PKIG: variants seen among roughly 807,000 people sequenced by gnomAD.
The protein encoded by PKIG is cAMP-dependent protein kinase inhibitor gamma.
Under a neutral mutation model 6.8 loss-of-function variants are expected in PKIG, and 1 was observed. That is an observed-to-expected ratio of 0.15 (90% CI 0.05 to 0.69). PKIG has a LOEUF of 0.69. Ranked by LOEUF, PKIG falls within the 30% of genes least tolerant of loss-of-function variation. The pLI is 0.82. For synonymous variants in PKIG, 39 were observed against 43.0 expected (o/e 0.91, Z 0.36); for missense variants, 77 against 104.0 (o/e 0.74, Z 1.13).
At chr20:44,538,646 G>A (rs1259142378) in intron 1 of PKIG, among the ~76,000 whole-genome samples, 1 of 152,030 alleles carries the variant, frequency 6.6e-6, no homozygotes. Context: ...ACATCTAAGA[G>A]AGAAGGATTT....
chr20:44,536,886 A>C (rs552079233), intron 1 of PKIG, among the ~76,000 whole-genome samples: 1 of 152,280 alleles, frequency 6.6e-6, no homozygotes, highest in East Asian at 1.9e-4. Context: ...AGCACCTGGA[A>C]TATTTTAAAC....
intron 2 of PKIG, among the ~76,000 whole-genome samples, chr20:44,599,962 A>G (rs982974615): frequency 8.5e-5 from 13 of 152,094 alleles, no homozygotes; most frequent in Admixed American, 4.6e-4. Flanking sequence ...CTGACATGCA[A>G]TAGTTGGGGG....
At chr20:44,548,892 A>G (rs2064641820) in intron 1 of PKIG, among the ~76,000 whole-genome samples, 2 of 144,468 alleles carry the variant, frequency 1.4e-5, no homozygotes, top group African/African-American at 5.5e-5. Context: ...ACACACACAC[A>G]CACACACACA....
chr20:44,557,520 C>CAA (rs3091847), intron 1 of PKIG, among the ~76,000 whole-genome samples: 7,362 of 63,386 alleles, frequency 0.12, 580 homozygotes, highest in African/African-American at 0.23. Context: ...TGACAGGTGA[C>CAA]AAAAAAAAAA....
At chr20:44,612,273 C>T (rs2065226671) in intron 2 of PKIG, among the ~76,000 whole-genome samples, 1 of 152,104 alleles carries the variant, frequency 6.6e-6, no homozygotes. Flanking sequence ...TCCTGGTGGA[C>T]ATTTGGGTGG....
chr20:44,614,312 G>A lies in PKIG; in HGVS notation c.-23-222G>A. 2.2e-6 allele frequency: 1 copy of A among 462,144 alleles called. No homozygotes were observed. 28.6% of individuals were successfully genotyped at this position (462,144 alleles called of 1,614,324 possible). A position where few individuals can be genotyped will look rare whatever the true frequency, so the allele number is the denominator to read the frequency against. Reference sequence around the variant, plus strand: ...TGTCAATAATTTTATTTAAAGAAAAGTCTGAGCCCATGTTCTTTAAAATGT... The same window carrying A: ...TGTCAATAATTTTATTTAAAGAAAAATCTGAGCCCATGTTCTTTAAAATGT... On this transcript the variant is annotated intron_variant, in intron 2 of 3. Coordinates refer to ENST00000372886, the MANE Select transcript of PKIG (RefSeq NM_001281445.2). This position sits in a 1 kb window ranked among gnomAD's most constrained non-coding sequence, Gnocchi z 4.6.
chr20:44,536,531 G>A (rs561236293), intron 1 of PKIG, among the ~76,000 whole-genome samples: 1 of 152,300 alleles, frequency 6.6e-6, no homozygotes, highest in East Asian at 1.9e-4. Context: ...GTAAGGGAGA[G>A]AGGAGTGGAA....
At chr20:44,589,958 A>G (rs2065021485) in intron 2 of PKIG, 92 bp downstream of exon 2, 1 of 152,356 alleles carries the variant, frequency 6.6e-6, no homozygotes, top group East Asian at 1.9e-4. Context: ...GAAAATACGT[A>G]AGTTCCAAAC....
intron 3 of PKIG, among the ~76,000 whole-genome samples, chr20:44,615,946 A>G (rs1282796865): frequency 6.6e-6 from 1 of 151,650 alleles, no homozygotes; most frequent in African/African-American, 2.4e-5. Context: ...ACGGAACCCC[A>G]CCCCAAAAGC....
Position 44,533,418 on chromosome 20 carries a change from C to T in PKIG, c.-241+1440C>T, listed in dbSNP as rs1339570336. ...AGCAGGTCCCTGCCCTCAAGGAGAT[C>T]ACAGATTGGTGGAGAAAATATTCAT... On this transcript the variant is annotated intron_variant, in intron 1 of 4. Coordinates refer to the PKIG transcript ENST00000372887. Among the ~76,000 whole-genome samples, 5 of 152,176 alleles carry T rather than the reference C, an allele frequency of 3.3e-5. No homozygotes were observed. In the East Asian group the frequency reaches 9.6e-4, roughly 29 times the overall value.
intron 1 of PKIG, among the ~76,000 whole-genome samples, chr20:44,573,001 T>G (rs1045552246): frequency 6.6e-6 from 1 of 152,222 alleles, no homozygotes; most frequent in African/African-American, 2.4e-5. Flanking sequence ...GCCCCATGGC[T>G]GTTGACTGAA....
chr20:44,612,177 C>G (rs1358862205), intron 2 of PKIG, among the ~76,000 whole-genome samples: 1 of 152,152 alleles, frequency 6.6e-6, no homozygotes, highest in Non-Finnish European at 1.5e-5. Flanking sequence ...TTAATTTTCT[C>G]AGGAACCCTC....
intron 2 of PKIG, among the ~76,000 whole-genome samples, chr20:44,605,281 G>A (rs978247948): frequency 3.3e-5 from 5 of 151,810 alleles, no homozygotes; most frequent in African/African-American, 9.7e-5. Flanking sequence ...GGTAGCAGGC[G>A]CCTGAGTCCC....
At chr20:44,603,411 G>T (rs185744130) in intron 2 of PKIG, among the ~76,000 whole-genome samples, 133 of 152,178 alleles carry the variant, frequency 8.7e-4, no homozygotes, top group African/African-American at 3.1e-3. Flanking sequence ...TGTTAGCCCC[G>T]CTTTGCTGAG....
chr20:44,537,091 G>A (rs966204412), intron 1 of PKIG, among the ~76,000 whole-genome samples: 5 of 151,742 alleles, frequency 3.3e-5, no homozygotes, highest in African/African-American at 9.7e-5. Context: ...CATTATGCCC[G>A]GCTAATTTTT....
chr20:44,552,210 G>A (rs551871057), intron 1 of PKIG, among the ~76,000 whole-genome samples: 2 of 152,264 alleles, frequency 1.3e-5, no homozygotes, highest in South Asian at 2.1e-4. Context: ...CAAATGCCAC[G>A]TTGTTTGCGC....
intron 1 of PKIG, among the ~76,000 whole-genome samples, chr20:44,545,624 C>CA (rs2064606726): frequency 6.7e-6 from 1 of 149,846 alleles, no homozygotes; most frequent in African/African-American, 2.5e-5. Flanking sequence ...AGTTTGAGAC[C>CA]AATCTGGGCA....
chr20:44,548,879 CACACACACACACACACACACACACAT>C (rs1425243164), intron 1 of PKIG, among the ~76,000 whole-genome samples: 68 of 143,366 alleles, frequency 4.7e-4, no homozygotes, highest in African/African-American at 1.8e-3. Flanking sequence ...CACACACACA[CACACACACACACACACACACACACAT>C]ATATCTGTCT....
intron 2 of PKIG, among the ~76,000 whole-genome samples, chr20:44,605,499 TGATG>T (rs1364836062): frequency 6.7e-6 from 1 of 149,700 alleles, no homozygotes; most frequent in Non-Finnish European, 1.5e-5. Context: ...AATGAGGAAA[TGATG>T]GATTACTCCA....
Sources: gnomAD v4.1 joint callset for allele counts (sites outside exome capture counted in the v4.1 genomes callset) on GRCh38, gnomAD v4.1.1 for gene constraint, Gnocchi (gnomAD v3.1) non-coding constraint, MANE v1.5 for transcripts, NCBI Gene and HGNC (gene_info 2026-07-23, HGNC 2026-07-21) for gene names.